Variants in CORO7 observed in about 807,000 individuals in gnomAD.
CORO7 encodes coronin-7.
CORO7 carries 107 observed loss-of-function variants against 126.6 expected under a neutral mutation model. That is an observed-to-expected ratio of 0.85 (90% CI 0.72 to 0.99). The LOEUF (loss-of-function observed/expected upper bound fraction) is 0.99. Ranked by LOEUF, CORO7 falls within the 50% of genes least tolerant of loss-of-function variation. The pLI is 0.00. For missense variants in CORO7, 1,314 were observed against 1,255.8 expected (o/e 1.05, Z -0.70); for synonymous variants, 603 against 536.8 (o/e 1.12, Z -1.70).
chr16:4,410,078 T>G (rs1051445000), intron 3 of CORO7, among the ~76,000 whole-genome samples: 6 of 152,108 alleles, frequency 3.9e-5, no homozygotes, highest in African/African-American at 1.4e-4. Context: ...GCTCACCACC[T>G]TGCAAGCATC....
At chr16:4,407,474 G>C (rs1403663936) in intron 5 of CORO7, 27 bp downstream of exon 5, 1 of 1,555,712 alleles carries the variant, frequency 6.4e-7, no homozygotes, top group African/African-American at 1.4e-5. Flanking sequence ...GGCTGCCCTG[G>C]GAAGGGCAGG....
At chr16:4,363,475 G>A (rs979409391) in intron 14 of CORO7, among the ~76,000 whole-genome samples, 2 of 152,078 alleles carry the variant, frequency 1.3e-5, no homozygotes, top group Non-Finnish European at 2.9e-5. Context: ...GGGAGGCCCA[G>A]GCAGGTGGAT....
At position 4,360,381 on chromosome 16, in the gene CORO7, G is replaced by A. The variant is rs376008667; in HGVS notation, c.2023-18C>T. The A allele has an allele frequency of 6.8e-6, 11 of 1,613,392 alleles. No homozygotes were observed. Among genetic ancestry groups the A allele is most frequent in the African/African-American group, 2.7e-5 (2 of 75,034 alleles). On this transcript the variant is annotated intron_variant, in intron 20 of 27. Coordinates refer to ENST00000251166, the MANE Select transcript of CORO7 (RefSeq NM_024535.5). ...GGGCCTTCCTGTTGAGATACATCGC[G>A]TGACACCCAGCCAGCACCCCTGAAC...
At chr16:4,374,576 G>T (rs1055455670) in intron 9 of CORO7, among the ~76,000 whole-genome samples, 3 of 152,136 alleles carry the variant, frequency 2.0e-5, no homozygotes, top group Admixed American at 1.3e-4. Flanking sequence ...GGCCGCTGGG[G>T]CCCCTGCTGG....
In CORO7 at chr16:4,382,169, T is replaced by G. The variant is rs752770408; in HGVS notation, c.785+5817A>C. The G allele has an allele frequency of 2.4e-5, 38 of 1,594,558 alleles. 2 individuals are homozygous for G. The South Asian group carries it at 4.1e-4, about 17-fold the overall frequency. ...GGGACACGGCACCACCTGGCGTGCT[T>G]GTGCCCCGAAGGCTTCACGGGCCTG... On this transcript the variant is annotated intron_variant, in intron 9 of 27. Coordinates refer to ENST00000251166, the MANE Select transcript of CORO7 (RefSeq NM_024535.5).
intron 3 of CORO7, among the ~76,000 whole-genome samples, chr16:4,409,108 G>A (rs528781030): frequency 2.4e-4 from 36 of 152,284 alleles, no homozygotes; most frequent in African/African-American, 8.4e-4. Context: ...GCGGGGTTTC[G>A]GGGTGTGAAC....
At chr16:4,412,673 C>T in intron 2 of CORO7, 1 of 535,968 alleles carries the variant, frequency 1.9e-6, no homozygotes, top group Non-Finnish European at 3.3e-6. Context: ...CTCTTTTTAA[C>T]ACGGGTCATA....
intron 9 of CORO7, among the ~76,000 whole-genome samples, chr16:4,372,688 C>T (rs550877964): frequency 4.3e-4 from 65 of 152,276 alleles, no homozygotes; most frequent in Middle Eastern, 3.4e-3. Flanking sequence ...AGTGCTGGGG[C>T]CTGAGGACTG....
intron 26 of CORO7, 53 bp from the exon 27 acceptor site, chr16:4,355,425 C>CGA: frequency 6.4e-7 from 1 of 1,560,738 alleles, no homozygotes; most frequent in Non-Finnish European, 8.7e-7. Context: ...TCCCTGTTCC[C>CGA]TCTCCCACTC....
intron 3 of CORO7, among the ~76,000 whole-genome samples, chr16:4,410,194 G>A (rs915224178): frequency 2.6e-5 from 4 of 152,170 alleles, no homozygotes; most frequent in African/African-American, 7.2e-5. Context: ...GGAGGCCAAG[G>A]TGGGAAGATC....
At chr16:4,381,340 C>G in intron 9 of CORO7, 5 of 1,608,458 alleles carry the variant, frequency 3.1e-6, no homozygotes, top group Non-Finnish European at 4.2e-6. Flanking sequence ...GGAGCTCAAG[C>G]TGCAGGACAA....
intron 9 of CORO7, among the ~76,000 whole-genome samples, chr16:4,386,901 C>T (rs1345946725): frequency 4.6e-5 from 7 of 152,192 alleles, no homozygotes; most frequent in South Asian, 2.1e-4. Context: ...GGGGACTCCC[C>T]GGAAGATCCC....
chr16:4,374,086 C>CGTGTGTGTGTGTGT (rs112578905), intron 9 of CORO7, among the ~76,000 whole-genome samples: 1 of 148,702 alleles, frequency 6.7e-6, no homozygotes, highest in African/African-American at 2.5e-5. Context: ...GGAGGGTGCA[C>CGTGTGTGTGTGTGT]GTGTGTGTGT....
At chr16:4,377,435 C>G (rs2054780100) in intron 9 of CORO7, among the ~76,000 whole-genome samples, 1 of 152,144 alleles carries the variant, frequency 6.6e-6, no homozygotes, top group Non-Finnish European at 1.5e-5. Context: ...CACGCCCAGA[C>G]CCCAGGCGGG....
At chr16:4,388,399 G>T in intron 8 of CORO7, 146 bp downstream of exon 8, 1 of 908,172 alleles carries the variant, frequency 1.1e-6, no homozygotes, top group Non-Finnish European at 1.7e-6. Context: ...CTGAGGCTCT[G>T]AGACCCGGCA....
At chr16:4,373,636 C>T (rs1028229546) in intron 9 of CORO7, among the ~76,000 whole-genome samples, 1 of 152,152 alleles carries the variant, frequency 6.6e-6, no homozygotes, top group Non-Finnish European at 1.5e-5. Context: ...GTCCGCGGCT[C>T]CTAGCTCCCA....
intron 7 of CORO7, among the ~76,000 whole-genome samples, chr16:4,393,391 A>C (rs1232077379): frequency 6.6e-6 from 1 of 152,196 alleles, no homozygotes; most frequent in Non-Finnish European, 1.5e-5. Context: ...CAGGTCCCAC[A>C]TGACGAAGAG....
intron 3 of CORO7, among the ~76,000 whole-genome samples, chr16:4,409,487 T>G (rs546027607): frequency 6.6e-6 from 1 of 152,320 alleles, no homozygotes; most frequent in East Asian, 1.9e-4. Context: ...GCACCACAGA[T>G]GCCCAGGGGT....
At chr16:4,378,282 G>T (rs1283489294) in intron 9 of CORO7, among the ~76,000 whole-genome samples, 1 of 152,186 alleles carries the variant, frequency 6.6e-6, no homozygotes, top group Non-Finnish European at 1.5e-5. Flanking sequence ...CCTGCCTGGA[G>T]TGAGCGCTCT....
Sources: gnomAD v4.1 joint callset for allele counts (sites outside exome capture counted in the v4.1 genomes callset) on GRCh38, gnomAD v4.1.1 for gene constraint, MANE v1.5 for transcripts, NCBI Gene and HGNC (gene_info 2026-07-23, HGNC 2026-07-21) for gene names.